The following CPM variants were observed in gnomAD, a reference collection of about 807,000 sequenced individuals.
CPM encodes carboxypeptidase M.
In CPM, 35 loss-of-function variants were observed where a neutral mutation model predicts 46.4. The observed-to-expected ratio is 0.75, with a 90% CI of 0.58 to 1.00. CPM has a LOEUF of 1.00. CPM is among the 50% of genes least tolerant of loss of function. The pLI is 0.00. For missense variants in CPM, 422 were observed against 530.4 expected (o/e 0.80, Z 2.01); for synonymous variants, 195 against 195.3 (o/e 1.00, Z 0.01).
chr12:68,956,801 T>C (rs1016159608), intron 1 of CPM, among the ~76,000 whole-genome samples: 1 of 152,134 alleles, frequency 6.6e-6, no homozygotes, highest in Admixed American at 6.5e-5. Context: ...AGTTCCATTT[T>C]ACTTATGGAT....
chr12:68,940,450 C>G (rs1888743160), intron 1 of CPM, among the ~76,000 whole-genome samples: 1 of 149,872 alleles, frequency 6.7e-6, no homozygotes, highest in Non-Finnish European at 1.5e-5. Flanking sequence ...ATCCCTCTCT[C>G]CCTCCCCCAG....
intron 1 of CPM, among the ~76,000 whole-genome samples, chr12:68,941,997 C>T (rs563047070): frequency 3.3e-5 from 5 of 152,316 alleles, no homozygotes; most frequent in Non-Finnish European, 5.9e-5. Flanking sequence ...TAAACTACCA[C>T]GGGTGATGTC....
intron 2 of CPM, among the ~76,000 whole-genome samples, chr12:68,895,827 C>T (rs1886850885): frequency 6.6e-6 from 1 of 152,182 alleles, no homozygotes; most frequent in Admixed American, 6.5e-5. Flanking sequence ...GCCATGAATA[C>T]ACTCATTTCT....
rs1183208337 is a variant in CPM, at chr12:68,945,128, A to G, written c.-3-12288T>C. Among the ~76,000 whole-genome samples the G allele has an allele frequency of 3.9e-5, 6 of 152,336 alleles. No individual in the cohort carries two copies. In the East Asian group the frequency reaches 7.7e-4, roughly 20 times the overall value. ...CATGACTCCTGAGCAGTAAGGGATTATAAAAGTATACCTATACTTTAGCAG... is the reference window on the plus strand; with the variant it reads ...CATGACTCCTGAGCAGTAAGGGATTGTAAAAGTATACCTATACTTTAGCAG... On this transcript the variant is annotated intron_variant, in intron 1 of 8. Coordinates refer to the CPM transcript ENST00000546373.
chr12:68,868,392 C>A (rs923887211), intron 6 of CPM, among the ~76,000 whole-genome samples: 2 of 152,132 alleles, frequency 1.3e-5, no homozygotes, highest in African/African-American at 2.4e-5. Context: ...GCCTGTGCAT[C>A]CAAAGTGACA....
intron 2 of CPM, among the ~76,000 whole-genome samples, chr12:68,892,603 T>C (rs750883346): frequency 3.9e-5 from 6 of 152,128 alleles, no homozygotes; most frequent in Non-Finnish European, 5.9e-5. Flanking sequence ...CTCACACCTG[T>C]AATCCCAGCA....
At chr12:68,870,431 G>C in intron 4 of CPM, 32 bp from the exon 5 acceptor site, 1 of 1,581,596 alleles carries the variant, frequency 6.3e-7, no homozygotes. Flanking sequence ...AGGGCTTATT[G>C]ATAGGGCATG....
chr12:68,897,651 C>T (rs917944647), intron 2 of CPM, among the ~76,000 whole-genome samples: 3 of 149,664 alleles, frequency 2.0e-5, no homozygotes, highest in Non-Finnish European at 4.4e-5. Flanking sequence ...GCAGGAGAAT[C>T]GCTTGAACCC....
Position 68,956,530 on chromosome 12 carries a change from C to G in CPM, c.-4+6639G>C, listed in dbSNP as rs76725246. Among the ~76,000 whole-genome samples the G allele has an allele frequency of 2.0e-4, 30 of 152,192 alleles. No homozygotes were observed. In the East Asian group the frequency reaches 5.8e-3, roughly 29 times the overall value. ...TGCTGCCATCACCAGCACTTGGATT[C>G]AAACCTAGGTCTGTCTGACTCCAAA... On this transcript the variant is annotated intron_variant, in intron 1 of 8. Transcript: ENST00000546373.
At chr12:68,908,350 C>T (rs1309280490) in intron 2 of CPM, among the ~76,000 whole-genome samples, 1 of 151,486 alleles carries the variant, frequency 6.6e-6, no homozygotes, top group Non-Finnish European at 1.5e-5. Context: ...TCTGCTGTGT[C>T]TCTACCTACA....
chr12:68,865,722 G>C (rs1885412690), intron 7 of CPM, among the ~76,000 whole-genome samples: 2 of 152,050 alleles, frequency 1.3e-5, no homozygotes, highest in African/African-American at 4.8e-5. Flanking sequence ...ATTCTGAATG[G>C]AGAAAGATAA....
chr12:68,947,374 A>T (rs1431644907), intron 1 of CPM, among the ~76,000 whole-genome samples: 1 of 152,156 alleles, frequency 6.6e-6, no homozygotes, highest in Non-Finnish European at 1.5e-5. Flanking sequence ...AGACACATAG[A>T]TCACCTGAAA....
intron 2 of CPM, among the ~76,000 whole-genome samples, chr12:68,903,765 G>A (rs1014725881): frequency 4.6e-5 from 7 of 152,106 alleles, no homozygotes; most frequent in African/African-American, 1.7e-4. Flanking sequence ...AACGGATTTC[G>A]TGCACATAAA....
chr12:68,876,189 T>C (rs2136238741), intron 3 of CPM, among the ~76,000 whole-genome samples: 1 of 152,328 alleles, frequency 6.6e-6, no homozygotes, highest in South Asian at 2.1e-4. Flanking sequence ...TGTGTCTCAA[T>C]AGTCCACAAC....
intron 5 of CPM, 75 bp downstream of exon 5, chr12:68,870,140 T>A (rs1885625684): frequency 1.4e-6 from 2 of 1,421,972 alleles, no homozygotes; most frequent in Non-Finnish European, 1.9e-6. Flanking sequence ...GGAGAGCTGA[T>A]CCCCATCCAG....
In CPM at chr12:68,909,092, G is replaced by A. The variant is rs568574907; in HGVS notation, c.161-23203C>T. Among the ~76,000 whole-genome samples, 7 of 152,264 alleles carry A rather than the reference G, an allele frequency of 4.6e-5. No individual in the cohort carries two copies. In the South Asian group the frequency reaches 1.0e-3, roughly 23 times the overall value. On this transcript the variant is annotated intron_variant, in intron 2 of 8. Transcript: ENST00000551568. ...AATTATTAAGTAGAGATAGGTTCTC[G>A]CTCTGTCACCCAGGCTATAGTTCAG...
intron 1 of CPM, among the ~76,000 whole-genome samples, chr12:68,954,866 G>A (rs532542756): frequency 1.2e-4 from 19 of 152,256 alleles, no homozygotes; most frequent in Admixed American, 4.6e-4. Context: ...GAAAAGTACA[G>A]ATGAAAAGTC....
rs1247539611 is a variant in CPM, at chr12:68,912,203, C to T, written c.160+20475G>A. ...TGTATTTTTAGTAGAGACGGGGCTTCACCATTTTGGCCAGGCTGGTCGAAC... is the reference window on the plus strand; with the variant it reads ...TGTATTTTTAGTAGAGACGGGGCTTTACCATTTTGGCCAGGCTGGTCGAAC... On this transcript the variant is annotated intron_variant, in intron 2 of 8. Coordinates refer to ENST00000551568, the MANE Select transcript of CPM (RefSeq NM_198320.5). Among the ~76,000 whole-genome samples, 2 of 152,142 alleles carry T rather than the reference C, an allele frequency of 1.3e-5. 1 individual carries two copies. The highest frequency in any genetic ancestry group is 2.9e-5 in the Non-Finnish European group (2 of 68,036).
chr12:68,866,752 G>C, intron 7 of CPM, 144 bp downstream of exon 7: 1 of 692,182 alleles, frequency 1.4e-6, no homozygotes, highest in African/African-American at 1.8e-5. Flanking sequence ...CTCATGCAGA[G>C]AGAATTCTTA....
Sources: allele counts gnomAD v4.1 joint callset (sites outside exome capture counted in the v4.1 genomes callset), GRCh38; gene constraint gnomAD v4.1.1; transcripts MANE v1.5; gene names NCBI Gene and HGNC (gene_info 2026-07-23, HGNC 2026-07-21).